Variants in WDR90 observed in about 807,000 individuals in gnomAD.
WDR90 encodes the protein WD repeat domain 90, also known as WD repeat-containing protein 90.
Under a neutral mutation model 195.2 loss-of-function variants are expected in WDR90, and 238 were observed. That is an observed-to-expected ratio of 1.22 (90% CI 1.10 to 1.36). WDR90 has a LOEUF of 1.36. WDR90 is among the 40% of genes most tolerant of loss of function. WDR90 has a pLI of 0.00. For synonymous variants in WDR90, 1,265 were observed against 1,052.4 expected (o/e 1.20, Z -3.91); for missense variants, 2,734 against 2,439.5 (o/e 1.12, Z -2.54).
rs117341102 is a variant in WDR90, at chr16:652,378, A to G, written c.1054-89A>G. ...GCAGTCTTCTTGAGAGGCAGGACCC[A>G]GCTAGGGGTTGGCGGGGCTCGGAGT... is the stretch of plus-strand genomic sequence containing the variant. On this transcript the variant is annotated intron_variant, in intron 9 of 40. Transcript: ENST00000293879. 12,721 of 1,449,804 alleles carry G rather than the reference A, an allele frequency of 8.8e-3. 88 individuals are homozygous for G. Among genetic ancestry groups the G allele is most frequent in the South Asian group, 0.012 (943 of 75,910 alleles). The allele number at this position is 1,449,804 out of a possible 1,614,324, so 89.8% of individuals were successfully genotyped here.
At chr16:649,309 G>A, upstream of WDR90, 3 of 1,266,958 alleles carry the variant, frequency 2.4e-6, no homozygotes, top group South Asian at 2.2e-5. Flanking sequence ...GACGGCGGAA[G>A]TAATGGCGGA....
Position 654,027 on chromosome 16 carries a change from T to A in WDR90, c.1437+224T>A, listed in dbSNP as rs981725165. On this transcript the variant is annotated intron_variant, in intron 13 of 40. Coordinates refer to ENST00000293879, the MANE Select transcript of WDR90 (RefSeq NM_145294.5). ...ATTTCACGTCTCGGCTTTTCGGCCA[T>A]CGGAGTCGGTTTAAGCCAGCGTTTA... 4.9e-6 allele frequency: 3 copies of A among 606,148 alleles called. No homozygotes were observed. In the African/African-American group the frequency reaches 5.6e-5, roughly 11 times the overall value. 37.5% of individuals were successfully genotyped at this position (606,148 alleles called of 1,614,324 possible).
chr16:662,801 C>T lies in WDR90; in HGVS notation c.4268C>T (p.Ala1423Val), dbSNP rs1223333148. 1 of 1,598,394 alleles carries T rather than the reference C, an allele frequency of 6.3e-7. No homozygotes were observed. The highest frequency in any genetic ancestry group is 8.5e-7 in the Non-Finnish European group (1 of 1,173,584). The change falls in exon 34 of 41, where the codon GCC (alanine) becomes GTC (valine). Residue 1423 changes from alanine to valine, a missense_variant. By Grantham distance (64) the Ala-to-Val change is moderately conservative. Coordinates refer to ENST00000293879, the MANE Select transcript of WDR90 (RefSeq NM_145294.5). ...GGCACGCTGTGGTTTGTCAGCTGGG[C>T]CGAGGGCACCAGCACACGTCTCATC... ...TAGTLWFVSW[A>V]EGTSTRLISG...
intron 14 of WDR90, 29 bp from the exon 15 acceptor site, chr16:655,278 C>T (rs201741500): frequency 9.9e-6 from 16 of 1,609,090 alleles, no homozygotes; most frequent in Middle Eastern, 3.3e-4. Flanking sequence ...CTGCGAGCTG[C>T]GGCAGTGCTC....
chr16:666,481 A>G lies in WDR90; in HGVS notation c.4767A>G (p.Thr1589=), dbSNP rs367738000. 3.7e-6 allele frequency: 6 copies of G among 1,612,644 alleles called. No homozygotes were observed. The highest frequency in any genetic ancestry group is 2.2e-5 in the East Asian group (1 of 44,884). Residue 1589 remains threonine (T), a synonymous_variant, in exon 38 of 41, where the codon ACA becomes ACG. Transcript: ENST00000293879. ...GTGAAGACTTAGGGGTGGAGGGCAC[A>G]GACCTATGGCTGGCTGCCAGTGGGG... is the stretch of plus-strand genomic sequence containing the variant. The part of the protein sequence containing the change: ...KECEDLGVEG[T]DLWLAASGDQ...
intron 10 of WDR90, among the ~76,000 whole-genome samples, chr16:652,869 G>A (rs953148406): frequency 6.6e-6 from 1 of 152,204 alleles, no homozygotes; most frequent in African/African-American, 2.4e-5. Flanking sequence ...TGTGGGGCCA[G>A]GCTGTGGGCA....
At chr16:659,624 C>T (rs1361264939) in intron 26 of WDR90, among the ~76,000 whole-genome samples, 1 of 151,940 alleles carries the variant, frequency 6.6e-6, no homozygotes, top group Non-Finnish European at 1.5e-5. Context: ...GCACCTTGTC[C>T]CCGTCAGATG....
At position 666,238 on chromosome 16, in the gene WDR90, G is replaced by C; in HGVS notation, c.4628G>C (p.Gly1543Ala). The change falls in exon 37 of 41, where the codon GGA (glycine) becomes GCA (alanine). Residue 1543 changes from glycine (G) to alanine (A), a missense_variant. By Grantham distance (60) the Gly-to-Ala change is moderately conservative. Coordinates refer to ENST00000293879, the MANE Select transcript of WDR90 (RefSeq NM_145294.5). ...GTCCCAGGTCAGACTGTCCTCTCTG[G>C]AGACAAGGATGGGCTCGTGGCTGTG... The part of the protein sequence containing the change: ...FSTDGQTVLS[G>A]DKDGLVAVSH... The C allele has an allele frequency of 1.2e-6, 2 of 1,612,652 alleles. No individual in the cohort carries two copies. The highest frequency in any genetic ancestry group is 1.7e-6 in the Non-Finnish European group (2 of 1,179,924).
rs368301093 is a variant in WDR90, at chr16:655,315, C to T, written c.1565C>T (p.Ser522Leu). The T allele has an allele frequency of 4.7e-5, 76 of 1,605,628 alleles. 1 individual carries two copies. The highest frequency in any genetic ancestry group is 5.7e-5 in the Non-Finnish European group (67 of 1,179,694). The change falls in exon 15 of 41, where the codon TCG becomes TTG. Residue 522 changes from serine to leucine, a missense_variant. Physicochemically the swap from Ser to Leu is moderately radical, Grantham distance 145. Transcript: ENST00000293879. The stretch of plus-strand genomic sequence containing the variant: ...GTCCTCATTCCTTGCAGGATGGCGT[C>T]GTGCGGGCAGGGCAGTGTGCGGCTC... ...VTFFDETRMA[S>L]CGQGSVRLWR... is the part of the protein sequence containing the mutation.
Position 661,889 on chromosome 16 carries a change from A to G in WDR90, c.3865-2A>G, listed in dbSNP as rs2037924493. 3.1e-6 allele frequency: 5 copies of G among 1,605,900 alleles called. No individual in the cohort carries two copies. The highest frequency in any genetic ancestry group is 1.7e-5 in the Admixed American group (1 of 59,814). ...CCCATGGCCACTCTCATACTTTGCC[A>G]GGTGCGTCGAGAGCCAGTCCCAGAG... On this transcript the variant is annotated splice_acceptor_variant, in intron 31 of 40. Transcript: ENST00000293879. LOFTEE classifies it high-confidence loss of function.
chr16:652,282 A>C, intron 9 of WDR90, 185 bp from the exon 10 acceptor site: 1 of 818,988 alleles, frequency 1.2e-6, no homozygotes. Context: ...GGGACCCTCG[A>C]AGGTCTGGCA....
chr16:654,509 TAGCTGGGACTACAGGC>T (rs2037706735), intron 13 of WDR90: 1 of 156,852 alleles, frequency 6.4e-6, no homozygotes, highest in Non-Finnish European at 1.4e-5. Flanking sequence ...GCCTCCCCAG[TAGCTGGGACTACAGGC>T]GCCTGCCAAC....
chr16:654,921 C>T lies in WDR90; in HGVS notation c.1438-108C>T, dbSNP rs1026618699. 9.7e-6 allele frequency: 10 copies of T among 1,025,826 alleles called. No individual in the cohort carries two copies. In the Admixed American group the frequency reaches 2.1e-4, roughly 22 times the overall value. 63.5% of individuals were successfully genotyped at this position (1,025,826 alleles called of 1,614,324 possible). A position where few individuals can be genotyped will look rare whatever the true frequency, so the allele number is the denominator to read the frequency against. On this transcript the variant is annotated intron_variant, in intron 13 of 40. Coordinates refer to ENST00000293879, the MANE Select transcript of WDR90 (RefSeq NM_145294.5). ...CACGGCCGCACGCTCAGAGGCTGGT[C>T]TCCGCATGAGAGAAAAGCCACCTCC... is the stretch of plus-strand genomic sequence containing the variant.
Position 663,666 on chromosome 16 carries a change from A to G in WDR90, c.4311+822A>G, listed in dbSNP as rs569785906. Reference sequence around the variant, plus strand: ...CTGGCCTGCAGCCTCCTGGTGCTGGAGCTGCGTCTCCAAGAAGTACACAGC... The same window carrying G: ...CTGGCCTGCAGCCTCCTGGTGCTGGGGCTGCGTCTCCAAGAAGTACACAGC... On this transcript the variant is annotated intron_variant, in intron 34 of 40. Transcript: ENST00000293879. 1.0e-3 allele frequency: 155 copies of G among 148,744 alleles called. 3 individuals carry two copies. The South Asian group carries it at 0.031, about 30-fold the overall frequency. 9.2% of individuals were successfully genotyped at this position (148,744 alleles called of 1,614,324 possible). A position where few individuals can be genotyped will look rare whatever the true frequency, so the allele number is the denominator to read the frequency against.
At position 666,916 on chromosome 16, in the gene WDR90, G is replaced by A. The variant is rs1385667144; in HGVS notation, c.5016G>A (p.Lys1672=). 1.2e-6 allele frequency: 2 copies of A among 1,613,074 alleles called. No homozygotes were observed. The highest frequency in any genetic ancestry group is 2.2e-5 in the East Asian group (1 of 44,888). Residue 1672 remains lysine, a synonymous_variant, in exon 40 of 41, where the codon AAG becomes AAA. Coordinates refer to ENST00000293879, the MANE Select transcript of WDR90 (RefSeq NM_145294.5). ...CTGGCTGCTCACAGGTGGTGGAGAA[G>A]ATACCACTGCCCTTTTTTGCCATGT... ...YNLCQKQVVE[K]IPLPFFAMSL...
Position 665,706 on chromosome 16 carries a change from G to C in WDR90, c.4339G>C (p.Glu1447Gln). ...GAACGAGGTGGTCTTCAGCCCCGGG[G>C]AGTCCCACTGCGCCACATGCAGTGA... is the stretch of plus-strand genomic sequence containing the variant. ...KVNEVVFSPG[E>Q]SHCATCSEDG... is the part of the protein sequence containing the mutation. Residue 1447 changes from glutamate to glutamine, a missense_variant, in exon 35 of 41, where the codon GAG becomes CAG. Glu to Gln is a conservative substitution (Grantham distance 29). Coordinates refer to ENST00000293879, the MANE Select transcript of WDR90 (RefSeq NM_145294.5). 6.2e-7 allele frequency: 1 copy of C among 1,612,538 alleles called. No homozygotes were observed. Among genetic ancestry groups the C allele is most frequent in the East Asian group, 2.2e-5 (1 of 44,896 alleles).
At chr16:656,616 G>C (rs1318147303) in intron 18 of WDR90, 79 bp downstream of exon 18, 2 of 1,574,730 alleles carry the variant, frequency 1.3e-6, no homozygotes, top group East Asian at 4.5e-5. Flanking sequence ...GGTGAGAGGG[G>C]CCTATAGGGA....
intron 33 of WDR90, 35 bp from the exon 34 acceptor site, chr16:662,644 C>T (rs2151336554): frequency 6.6e-7 from 1 of 1,519,638 alleles, no homozygotes; most frequent in Non-Finnish European, 8.8e-7. Flanking sequence ...CCTTGAGACC[C>T]ATTGTTCTCT....
rs369709051 is a variant in WDR90 at position 662,736 on chromosome 16, C to T, written c.4203C>T (p.Phe1401=). ...ACGGGGCTGTGGTGAGTGCCAGCTT[C>T]GATGACAGCGTGGACATGGGCGTCG... ...VLDGAVVSAS[F]DDSVDMGVVG... is the part of the protein sequence containing the mutation. The change falls in exon 34 of 41, where the codon TTC becomes TTT. Residue 1401 remains phenylalanine, a synonymous_variant. Coordinates refer to ENST00000293879, the MANE Select transcript of WDR90 (RefSeq NM_145294.5). 45 of 1,597,042 alleles carry T rather than the reference C, an allele frequency of 2.8e-5. No homozygotes were observed. Among genetic ancestry groups the T allele is most frequent in the Middle Eastern group, 3.4e-4 (2 of 5,964 alleles).
Sources: allele counts gnomAD v4.1 joint callset (sites outside exome capture counted in the v4.1 genomes callset), GRCh38; gene constraint gnomAD v4.1.1; transcripts MANE v1.5; gene names NCBI Gene and HGNC (gene_info 2026-07-23, HGNC 2026-07-21).